The following INSYN2B variants were observed in gnomAD, a reference collection of about 807,000 sequenced individuals.
INSYN2B encodes protein INSYN2B.
A neutral mutation model predicts 41.2 loss-of-function variants in INSYN2B; 16 were observed. That is an observed-to-expected ratio of 0.39 (90% CI 0.26 to 0.59). The LOEUF is 0.59. Among genes scored for constraint, INSYN2B ranks in the 20% least tolerant of loss-of-function variants. INSYN2B has a pLI of 0.57. For missense variants in INSYN2B, 608 were observed against 646.4 expected, an observed-to-expected ratio of 0.94 and a Z score of 0.64; for synonymous variants, 245 against 244.4, an observed-to-expected ratio of 1.00 and a Z score of -0.02.
intron 1 of INSYN2B, among the ~76,000 whole-genome samples, chr5:169,968,517 A>G (rs970849684): frequency 3.9e-5 from 6 of 152,198 alleles, no homozygotes; most frequent in African/African-American, 1.4e-4. Flanking sequence ...TGGGGGGTCA[A>G]TGTTCAGGGG....
At chr5:169,938,561 T>A (rs529970773) in intron 1 of INSYN2B, among the ~76,000 whole-genome samples, 2 of 152,300 alleles carry the variant, frequency 1.3e-5, no homozygotes, top group Admixed American at 1.3e-4. Flanking sequence ...AAATAAAAAA[T>A]GGTCCACCTG....
chr5:169,883,465 G>A lies in INSYN2B; in HGVS notation c.434C>T (p.Ser145Phe). The part of the protein sequence containing the change: ...NGNLSEQDIV[S>F]SDLAYLRLAQ... The stretch of plus-strand genomic sequence containing the variant: ...CAACCTTAAGTAGGCAAGGTCAGAA[G>A]ACACAATGTCCTGTTCAGAGAGGTT... The change falls in exon 2 of 4, where the codon TCT becomes TTT. Residue 145 changes from serine (S) to phenylalanine (F), a missense_variant. By Grantham distance (155) the Ser-to-Phe change is radical (BLOSUM62 -2). Transcript: ENST00000377365. 1 of 1,551,676 alleles carries A rather than the reference G, an allele frequency of 6.4e-7. No individual in the cohort carries two copies. Among genetic ancestry groups the A allele is most frequent in the Non-Finnish European group, 8.7e-7 (1 of 1,146,964 alleles).
chr5:169,898,049 G>A (rs1283824584), intron 1 of INSYN2B, among the ~76,000 whole-genome samples: 1 of 152,210 alleles, frequency 6.6e-6, no homozygotes, highest in Non-Finnish European at 1.5e-5. Flanking sequence ...ATTGTGAGTG[G>A]ATTTGGGGAG....
intron 1 of INSYN2B, among the ~76,000 whole-genome samples, chr5:169,922,472 T>G (rs564408167): frequency 6.6e-6 from 1 of 152,246 alleles, no homozygotes; most frequent in East Asian, 1.9e-4. Flanking sequence ...TGGTATTGTA[T>G]CCAGACTGGG....
chr5:169,946,772 C>A (rs1776467523), intron 1 of INSYN2B, among the ~76,000 whole-genome samples: 1 of 152,194 alleles, frequency 6.6e-6, no homozygotes, highest in Admixed American at 6.5e-5. Context: ...ACAGTAGGAT[C>A]CTGTCATTGA....
At chr5:169,938,314 A>G (rs778860238) in intron 1 of INSYN2B, among the ~76,000 whole-genome samples, 21 of 151,512 alleles carry the variant, frequency 1.4e-4, no homozygotes, top group Non-Finnish European at 2.7e-4. Flanking sequence ...GGATGGGGAT[A>G]TGTTAAGAGA....
chr5:169,895,370 TCA>T (rs372783817), intron 1 of INSYN2B, among the ~76,000 whole-genome samples: 89 of 152,158 alleles, frequency 5.8e-4, no homozygotes, highest in African/African-American at 2.1e-3. Context: ...ACCCCACTTC[TCA>T]CTCTCCAGGA....
At chr5:169,896,207 C>A (rs1773597256) in intron 1 of INSYN2B, among the ~76,000 whole-genome samples, 1 of 152,146 alleles carries the variant, frequency 6.6e-6, no homozygotes, top group African/African-American at 2.4e-5. Flanking sequence ...CAGCAGTGAG[C>A]AACTTCTTAA....
At chr5:169,966,590 C>T (rs1237103373) in intron 1 of INSYN2B, among the ~76,000 whole-genome samples, 1 of 152,162 alleles carries the variant, frequency 6.6e-6, no homozygotes, top group African/African-American at 2.4e-5. Context: ...GAATTCAAAT[C>T]ACCACACTCA....
intron 1 of INSYN2B, among the ~76,000 whole-genome samples, chr5:169,958,258 C>G (rs1776947014): frequency 6.6e-6 from 1 of 152,048 alleles, no homozygotes. Context: ...CCCATTTATA[C>G]TTTACTGCAC....
At chr5:169,974,465 C>T (rs1243275539) in intron 1 of INSYN2B, among the ~76,000 whole-genome samples, 1 of 152,184 alleles carries the variant, frequency 6.6e-6, no homozygotes, top group East Asian at 1.9e-4. Flanking sequence ...ATGTATTTAG[C>T]CCTTGAAATG....
intron 1 of INSYN2B, among the ~76,000 whole-genome samples, chr5:169,906,594 A>C (rs1019884110): frequency 6.6e-6 from 1 of 152,214 alleles, no homozygotes; most frequent in East Asian, 1.9e-4. Flanking sequence ...AGCCTCCCAA[A>C]GTGCTGGGGT....
At chr5:169,953,210 G>A (rs748182945) in intron 1 of INSYN2B, among the ~76,000 whole-genome samples, 5 of 151,934 alleles carry the variant, frequency 3.3e-5, no homozygotes, top group Admixed American at 6.6e-5. Flanking sequence ...GTGGGTGCCT[G>A]TAATCCCAGC....
intron 1 of INSYN2B, among the ~76,000 whole-genome samples, chr5:169,927,277 C>T (rs1386009958): frequency 6.6e-6 from 1 of 152,156 alleles, no homozygotes; most frequent in Non-Finnish European, 1.5e-5. Flanking sequence ...TCCTCTAGAG[C>T]CTTGTAGGCC....
intron 1 of INSYN2B, among the ~76,000 whole-genome samples, chr5:169,913,805 G>A (rs1035404191): frequency 8.5e-5 from 13 of 152,108 alleles, no homozygotes; most frequent in South Asian, 2.1e-4. Flanking sequence ...TAGATGCTTC[G>A]CTATTAGAAT....
intron 1 of INSYN2B, among the ~76,000 whole-genome samples, chr5:169,954,511 A>T (rs1776787722): frequency 6.6e-6 from 1 of 152,244 alleles, no homozygotes; most frequent in Admixed American, 6.5e-5. Flanking sequence ...CCTCTTGGCC[A>T]CCCCCCTGAA....
intron 1 of INSYN2B, among the ~76,000 whole-genome samples, chr5:169,935,950 C>A (rs900932734): frequency 1.3e-5 from 2 of 152,136 alleles, no homozygotes; most frequent in Admixed American, 1.3e-4. Flanking sequence ...TGTCTCTAAC[C>A]ACAACTAATA....
At chr5:169,878,058 G>C (rs944666365) in intron 3 of INSYN2B, among the ~76,000 whole-genome samples, 1 of 152,198 alleles carries the variant, frequency 6.6e-6, no homozygotes, top group Admixed American at 6.5e-5. Flanking sequence ...AAAGAAATGC[G>C]TGATCTCTGT....
intron 1 of INSYN2B, among the ~76,000 whole-genome samples, chr5:169,944,869 A>G (rs561033914): frequency 3.3e-5 from 5 of 152,344 alleles, no homozygotes; most frequent in African/African-American, 1.2e-4. Context: ...CCAGTTGCTC[A>G]GAATGCTTCA....
Sources: gnomAD v4.1 joint callset for allele counts (sites outside exome capture counted in the v4.1 genomes callset) on GRCh38, gnomAD v4.1.1 for gene constraint, MANE v1.5 for transcripts, NCBI Gene and HGNC (gene_info 2026-07-23, HGNC 2026-07-21) for gene names.